CYP4X1: variants seen among roughly 807,000 people sequenced by gnomAD.
The protein encoded by CYP4X1 is cytochrome P450 4X1.
CYP4X1 carries 44 observed loss-of-function variants against 57.9 expected under a neutral mutation model. The ratio of observed to expected loss-of-function variants is 0.76; its 90% confidence interval spans 0.60 to 0.98. The LOEUF is 0.98. CYP4X1 is among the 50% of genes least tolerant of loss of function. The pLI is 0.00. For missense variants in CYP4X1, 532 were observed against 623.9 expected (o/e 0.85, Z 1.57); for synonymous variants, 227 against 228.6 (o/e 0.99, Z 0.06).
the CYP4X1 span, among the ~76,000 whole-genome samples, chr1:47,002,536 G>A: frequency 6.6e-6 from 1 of 152,160 alleles, no homozygotes; most frequent in African/African-American, 2.4e-5. Context: ...GTCATCATTA[G>A]GGAATTTACA....
chr1:46,976,485 C>T, the CYP4X1 span, among the ~76,000 whole-genome samples: 1 of 152,146 alleles, frequency 6.6e-6, no homozygotes, highest in Admixed American at 6.5e-5. Context: ...TCAATGAGGC[C>T]TGCCTGCCTC....
At chr1:46,971,587 G>GT in the CYP4X1 span, among the ~76,000 whole-genome samples, 1 of 151,946 alleles carries the variant, frequency 6.6e-6, no homozygotes, top group South Asian at 2.1e-4. Context: ...ACCATCTGTT[G>GT]TTTTTTTGAT....
chr1:47,049,490 C>A lies in CYP4X1; in HGVS notation c.1341C>A (p.Phe447Leu). Residue 447 changes from phenylalanine (F) to leucine (L), a missense_variant, in exon 11 of 12, where the codon TTC becomes TTA. Transcript: ENST00000371901. ...GACACCCCTATGCCTACTTACCATT[C>A]TCAGCTGGATCAAGGTGAGAACAAT... ...DQRHPYAYLPFSAGSRNCIGQ... is the reference protein window; with the variant it reads ...DQRHPYAYLPLSAGSRNCIGQ... 1 of 1,614,020 alleles carries A rather than the reference C, an allele frequency of 6.2e-7. No homozygotes were observed. Among genetic ancestry groups the A allele is most frequent in the African/African-American group, 1.3e-5 (1 of 75,012 alleles).
At chr1:47,030,196 G>A (rs1255051823) in intron 2 of CYP4X1, 65 bp downstream of exon 2, 2 of 1,537,204 alleles carry the variant, frequency 1.3e-6, no homozygotes, top group Non-Finnish European at 1.8e-6. Flanking sequence ...AAACCCATAG[G>A]CAAGATTCCA....
Position 47,050,137 on chromosome 1 carries a change from G to A in CYP4X1, c.1493G>A (p.Gly498Glu), listed in dbSNP as rs1644347765. ...CATTTTATCCTCAAGCCCAAGAATG[G>A]GATGTATTTGCACCTGAAGAAACTC... ...PNHFILKPKN[G>E]MYLHLKKLSE... The change falls in exon 12 of 12, where the codon GGG becomes GAG. Residue 498 changes from glycine to glutamate, a missense_variant. Transcript: ENST00000371901. The A allele has an allele frequency of 6.2e-7, 1 of 1,613,744 alleles. No individual in the cohort carries two copies. The highest frequency in any genetic ancestry group is 1.3e-5 in the African/African-American group (1 of 74,830).
chr1:46,971,232 T>C, the CYP4X1 span, among the ~76,000 whole-genome samples: 1 of 152,222 alleles, frequency 6.6e-6, no homozygotes, highest in Non-Finnish European at 1.5e-5. Context: ...GCTCCATCCA[T>C]GTTGCTGCAA....
chr1:47,015,431 C>T, the CYP4X1 span, among the ~76,000 whole-genome samples: 5 of 152,182 alleles, frequency 3.3e-5, no homozygotes, highest in African/African-American at 9.7e-5. Context: ...CCTGCCGTGG[C>T]AGAAGATGCC....
At chr1:47,040,968 T>C (rs1336097491) in intron 8 of CYP4X1, among the ~76,000 whole-genome samples, 1 of 152,126 alleles carries the variant, frequency 6.6e-6, no homozygotes, top group Non-Finnish European at 1.5e-5. Context: ...CCACAGCCCC[T>C]GGTAACCACT....
Position 47,046,638 on chromosome 1 carries a change from A to G in CYP4X1, c.1207+38A>G, listed in dbSNP as rs372294459. On this transcript the variant is annotated intron_variant, in intron 9 of 11. Transcript: ENST00000371901. ...TTTTCCTAAGCAGTTCTTAGAGGCT[A>G]TGGGATCCTGGAGACCACAGTGACA... The G allele has an allele frequency of 9.7e-5, 157 of 1,613,794 alleles. No individual in the cohort carries two copies. The African/African-American group carries it at 1.5e-3, about 15-fold the overall frequency.
chr1:47,044,134 G>A (rs555461562), intron 8 of CYP4X1, among the ~76,000 whole-genome samples: 6 of 152,164 alleles, frequency 3.9e-5, no homozygotes, highest in African/African-American at 1.2e-4. Context: ...TTTGTTAATT[G>A]TTTTCTTGAT....
intron 1 of CYP4X1, among the ~76,000 whole-genome samples, chr1:47,027,047 T>C (rs528943504): frequency 6.6e-6 from 1 of 152,346 alleles, no homozygotes; most frequent in Non-Finnish European, 1.5e-5. Context: ...GTTTTTGTAT[T>C]TTTCAAAGTA....
the CYP4X1 span, among the ~76,000 whole-genome samples, chr1:47,001,404 G>A: frequency 2.2e-4 from 34 of 152,312 alleles, no homozygotes; most frequent in East Asian, 6.6e-3. Flanking sequence ...TCCCTAGTGT[G>A]GAGGCCAGTT....
At chr1:46,969,383 G>C in the CYP4X1 span, among the ~76,000 whole-genome samples, 3 of 152,126 alleles carry the variant, frequency 2.0e-5, no homozygotes, top group Non-Finnish European at 4.4e-5. Context: ...TTATAGCAAT[G>C]CAAGAGTGGT....
chr1:46,986,325 G>A, the CYP4X1 span, among the ~76,000 whole-genome samples: 1 of 152,042 alleles, frequency 6.6e-6, no homozygotes. Flanking sequence ...GTGAAGACAA[G>A]ATTAGAGAAA....
chr1:47,007,092 C>A, the CYP4X1 span, among the ~76,000 whole-genome samples: 1 of 152,236 alleles, frequency 6.6e-6, no homozygotes, highest in Non-Finnish European at 1.5e-5. Context: ...GTTCTCCCAG[C>A]ACGCAGCTGG....
the CYP4X1 span, among the ~76,000 whole-genome samples, chr1:46,991,293 G>A: frequency 0.022 from 3,347 of 152,270 alleles, 136 homozygotes; most frequent in African/African-American, 0.076. Flanking sequence ...TTAATGACCA[G>A]TTGACATCAT....
At chr1:46,969,190 C>A in the CYP4X1 span, among the ~76,000 whole-genome samples, 10 of 152,158 alleles carry the variant, frequency 6.6e-5, no homozygotes, top group Admixed American at 2.0e-4. Context: ...TCCCTGCACC[C>A]GCTCTCTTGC....
rs780060708 is a variant in CYP4X1, at chr1:47,049,506, T to C, written c.1355+2T>C. 6.2e-7 allele frequency: 1 copy of C among 1,613,746 alleles called. No individual in the cohort carries two copies. The highest frequency in any genetic ancestry group is 8.5e-7 in the Non-Finnish European group (1 of 1,179,718). On this transcript the variant is annotated splice_donor_variant, in intron 11 of 11. Transcript: ENST00000371901. LOFTEE classifies it high-confidence loss of function. The stretch of plus-strand genomic sequence containing the variant: ...CTTACCATTCTCAGCTGGATCAAGG[T>C]GAGAACAATTTGAAGTTGCTGAAAG...
chr1:46,971,359 T>C, the CYP4X1 span, among the ~76,000 whole-genome samples: 2 of 152,230 alleles, frequency 1.3e-5, no homozygotes, highest in Admixed American at 1.3e-4. Flanking sequence ...GCCTTTGCCA[T>C]TGTTAACAGT....
Sources: gnomAD v4.1 joint callset for allele counts (sites outside exome capture counted in the v4.1 genomes callset) on GRCh38, gnomAD v4.1.1 for gene constraint, MANE v1.5 for transcripts, NCBI Gene and HGNC (gene_info 2026-07-23, HGNC 2026-07-21) for gene names.